The following SKOR1 variants were observed in gnomAD, a reference collection of about 807,000 sequenced individuals.
SKOR1 encodes LBX1 corepressor 1.
A neutral mutation model predicts 72.4 loss-of-function variants in SKOR1; 38 were observed. That is an observed-to-expected ratio of 0.52 (90% CI 0.40 to 0.69). The LOEUF is 0.69. Ranked by LOEUF, SKOR1 falls within the 30% of genes least tolerant of loss-of-function variation. The pLI is 0.00. For synonymous variants in SKOR1, 642 were observed against 599.4 expected, an observed-to-expected ratio of 1.07 and a Z score of -1.04; for missense variants, 1,320 against 1,343.2, an observed-to-expected ratio of 0.98 and a Z score of 0.27.
rs546420849 is a variant in SKOR1 at position 67,832,585 on chromosome 15, C to G, written c.2663-22C>G. On this transcript the variant is annotated intron_variant, in intron 6 of 8. Transcript: ENST00000380035. This position sits in a 1 kb window ranked among gnomAD's most constrained non-coding sequence, Gnocchi z 4.5. ...GGAGAGGGGGCTGTGCGTAACAGCTCTCACTTAATCAATTTGCACAGATAA... is the reference window on the plus strand; with the variant it reads ...GGAGAGGGGGCTGTGCGTAACAGCTGTCACTTAATCAATTTGCACAGATAA... 6.2e-7 allele frequency: 1 copy of G among 1,609,150 alleles called. No homozygotes were observed.
rs1210389156 is a variant in SKOR1 at position 67,827,927 on chromosome 15, C to T, written c.2099C>T (p.Ala700Val). Residue 700 changes from alanine (A) to valine (V), a missense_variant, in exon 2 of 9, where the codon GCC becomes GTC. Coordinates refer to ENST00000380035, the MANE Select transcript of SKOR1 (RefSeq NM_001365915.1). Reference sequence around the variant, plus strand: ...GAACAGCCCACTGGACCCCCTTCCGCCACCTCCTCTGGCGCGGACGGTCCC... The same window carrying T: ...GAACAGCCCACTGGACCCCCTTCCGTCACCTCCTCTGGCGCGGACGGTCCC... ...DGEQPTGPPS[A>V]TSSGADGPAN... 6.3e-7 allele frequency: 1 copy of T among 1,587,044 alleles called. No individual in the cohort carries two copies. Among genetic ancestry groups the T allele is most frequent in the African/African-American group, 1.3e-5 (1 of 74,616 alleles).
Position 67,833,070 on chromosome 15 carries a change from C to G in SKOR1, c.2738-122C>G, listed in dbSNP as rs916455941. ...TTAGGAGCTCCGGTACCCCCTCCCCCATCCCTGGAGTTGTTTCTGCGCGGA... is the reference window on the plus strand; with the variant it reads ...TTAGGAGCTCCGGTACCCCCTCCCCGATCCCTGGAGTTGTTTCTGCGCGGA... On this transcript the variant is annotated intron_variant, in intron 7 of 8. Coordinates refer to ENST00000380035, the MANE Select transcript of SKOR1 (RefSeq NM_001365915.1). The surrounding 1 kb of genome is among the most constrained non-coding windows in gnomAD (Gnocchi z 6.0). The G allele has an allele frequency of 4.1e-6, 4 of 967,400 alleles. No homozygotes were observed. The highest frequency in any genetic ancestry group is 6.4e-6 in the Non-Finnish European group (4 of 621,570). The allele number at this position is 967,400 out of a possible 1,614,324, so 59.9% of individuals were successfully genotyped here.
chr15:67,831,039 G>T, intron 5 of SKOR1, 150 bp downstream of exon 5: 1 of 764,252 alleles, frequency 1.3e-6, no homozygotes, highest in Non-Finnish European at 2.2e-6. Context: ...TGGGTGGAAA[G>T]TAAGATCCTC....
Position 67,826,693 on chromosome 15 carries a change from G to A in SKOR1, c.865G>A (p.Gly289Ser), listed in dbSNP as rs1353496181. The change falls in exon 2 of 9, where the codon GGT (glycine) becomes AGT (serine). Residue 289 changes from glycine to serine, a missense_variant. Around this residue, in one of 3 missense-constraint regions of SKOR1, gnomAD observed 1,099 missense variants for 1,025.5 expected, o/e 1.07. Transcript: ENST00000380035. ...CTCCCTACAAGGAGGCGGCGGAGGC[G>A]GTGCCAATGGCGGGTCGGGTGGGCA... ...TFSLQGGGGGGANGGSGGQGK... is the reference protein window; with the variant it reads ...TFSLQGGGGGSANGGSGGQGK... 1.3e-6 allele frequency: 2 copies of A among 1,568,640 alleles called. No homozygotes were observed. The highest frequency in any genetic ancestry group is 1.7e-6 in the Non-Finnish European group (2 of 1,158,894).
Position 67,832,287 on chromosome 15 carries a change from A to G in SKOR1, c.2601A>G (p.Lys867=), listed in dbSNP as rs1272105991. The change falls in exon 6 of 9, where the codon AAA becomes AAG. Residue 867 remains lysine, a synonymous_variant. Coordinates refer to ENST00000380035, the MANE Select transcript of SKOR1 (RefSeq NM_001365915.1). The surrounding 1 kb of genome is among the most constrained non-coding windows in gnomAD (Gnocchi z 4.5). ...IENLAREELQ[K]LLLEQMELRK... is the part of the protein sequence containing the mutation. ...CCCCTTTCACAGAGGAATTGCAAAA[A>G]CTGCTCCTGGAACAAATGGAGCTCC... 6.2e-7 allele frequency: 1 copy of G among 1,614,026 alleles called. No homozygotes were observed. Among genetic ancestry groups the G allele is most frequent in the Non-Finnish European group, 8.5e-7 (1 of 1,180,004 alleles).
chr15:67,830,765 C>G, intron 4 of SKOR1, 53 bp from the exon 5 acceptor site: 2 of 1,588,622 alleles, frequency 1.3e-6, no homozygotes, highest in South Asian at 1.1e-5. Flanking sequence ...CACCCCTCCC[C>G]TCTCAAGGGC....
chr15:67,831,534 C>G (rs2091007611), intron 5 of SKOR1, among the ~76,000 whole-genome samples: 1 of 152,074 alleles, frequency 6.6e-6, no homozygotes, highest in Admixed American at 6.5e-5. Context: ...GGAGGAGGGC[C>G]CAGATACCAA....
At position 67,827,881 on chromosome 15, in the gene SKOR1, G is replaced by T; in HGVS notation, c.2053G>T (p.Ala685Ser). The T allele has an allele frequency of 6.2e-7, 1 of 1,600,442 alleles. No homozygotes were observed. The highest frequency in any genetic ancestry group is 8.5e-7 in the Non-Finnish European group (1 of 1,174,478). Residue 685 changes from alanine (A) to serine (S), a missense_variant, in exon 2 of 9, where the codon GCA (alanine) becomes TCA (serine). Transcript: ENST00000380035. The part of the protein sequence containing the change: ...QEETEPSAPS[A>S]GGGPDGEQPT... ...GGAGACCGAGCCCAGCGCACCCAGC[G>T]CAGGGGGCGGCCCAGACGGTGAACA...
In SKOR1 at chr15:67,833,811, C is replaced by T. The variant is rs750796826; in HGVS notation, c.2873C>T (p.Ser958Phe). The T allele has an allele frequency of 2.5e-6, 4 of 1,611,990 alleles. No homozygotes were observed. In the East Asian group the frequency reaches 8.9e-5, roughly 36 times the overall value. ...CCCCGCCACTGCACTGGCAACTGCTCCTTCAAGCCACCGCTGTTGCCCTAG... is the reference window on the plus strand; with the variant it reads ...CCCCGCCACTGCACTGGCAACTGCTTCTTCAAGCCACCGCTGTTGCCCTAG... ...LTPRHCTGNC[S>F]FKPPLLP Residue 958 changes from serine to phenylalanine, a missense_variant, in exon 9 of 9, where the codon TCC (serine) becomes TTC (phenylalanine). Physicochemically the swap from Ser to Phe is radical, Grantham distance 155. Coordinates refer to ENST00000380035, the MANE Select transcript of SKOR1 (RefSeq NM_001365915.1). This position sits in a 1 kb window ranked among gnomAD's most constrained non-coding sequence, Gnocchi z 6.0.
rs1249519000 is a variant in SKOR1 at position 67,833,340 on chromosome 15, T to C, written c.2803+83T>C. The C allele has an allele frequency of 1.4e-6, 2 of 1,381,558 alleles. No individual in the cohort carries two copies. Among genetic ancestry groups the C allele is most frequent in the Admixed American group, 1.8e-5 (1 of 56,994 alleles). 85.6% of individuals were successfully genotyped at this position (1,381,558 alleles called of 1,614,324 possible). ...CTGAATGAATGAATAGTGGGACTAG[T>C]GAGGAAGGCCACGATCCACGTGGAT... On this transcript the variant is annotated intron_variant, in intron 8 of 8. Coordinates refer to ENST00000380035, the MANE Select transcript of SKOR1 (RefSeq NM_001365915.1). This position sits in a 1 kb window ranked among gnomAD's most constrained non-coding sequence, Gnocchi z 6.0.
At position 67,833,445 on chromosome 15, in the gene SKOR1, C is replaced by T. The variant is rs1197445859; in HGVS notation, c.2803+188C>T. 6.6e-6 allele frequency among the ~76,000 whole-genome samples: 1 copy of T among 152,184 alleles called. No individual in the cohort carries two copies. Among genetic ancestry groups the T allele is most frequent in the South Asian group, 2.1e-4 (1 of 4,834 alleles). On this transcript the variant is annotated intron_variant, in intron 8 of 8. Coordinates refer to ENST00000380035, the MANE Select transcript of SKOR1 (RefSeq NM_001365915.1). The surrounding 1 kb of genome is among the most constrained non-coding windows in gnomAD (Gnocchi z 6.0). ...GGATGGTGGGGGTAAAAAGAAAGAG[C>T]CCCTTGGGCTTTGGACGTCAGAAAA...
rs1265269430 is a variant in SKOR1, at chr15:67,832,058, C to T, written c.2588-216C>T. ...TCCTGGAGCCAGGGCCTAGATTCCA[C>T]CGTCCTGAATTTATTCTCCTGGGCA... On this transcript the variant is annotated intron_variant, in intron 5 of 8. Coordinates refer to ENST00000380035, the MANE Select transcript of SKOR1 (RefSeq NM_001365915.1). The surrounding 1 kb of genome is among the most constrained non-coding windows in gnomAD (Gnocchi z 4.5). 6.6e-6 allele frequency among the ~76,000 whole-genome samples: 1 copy of T among 152,124 alleles called. No homozygotes were observed.
In SKOR1 at chr15:67,833,913, C is replaced by G; in HGVS notation, c.*77C>G. The G allele has an allele frequency of 6.8e-7, 1 of 1,479,608 alleles. No homozygotes were observed. Among genetic ancestry groups the G allele is most frequent in the Non-Finnish European group, 9.3e-7 (1 of 1,071,736 alleles). The allele number at this position is 1,479,608 out of a possible 1,614,324, so 91.7% of individuals were successfully genotyped here. On this transcript the variant is annotated 3_prime_UTR_variant, in exon 9 of 9. Transcript: ENST00000380035. This position sits in a 1 kb window ranked among gnomAD's most constrained non-coding sequence, Gnocchi z 6.0. ...TACCCGCTGCTGCGGTGGCCCTGAG[C>G]GAGGAACAAGCCATTCGGACCCGAC...
Position 67,827,818 on chromosome 15 carries a change from G to A in SKOR1, c.1990G>A (p.Glu664Lys), listed in dbSNP as rs762972945. The change falls in exon 2 of 9, where the codon GAA becomes AAA. Residue 664 changes from glutamate to lysine, a missense_variant. Coordinates refer to ENST00000380035, the MANE Select transcript of SKOR1 (RefSeq NM_001365915.1). ...CGCGGACGAGCCCGAGGTGGACGTG[G>A]AATCCAACCGCTTCCCCGACGACGA... Reference protein sequence around the residue: ...DTADEPEVDVESNRFPDDEDA... With the variant: ...DTADEPEVDVKSNRFPDDEDA... 3 of 1,587,424 alleles carry A rather than the reference G, an allele frequency of 1.9e-6. No homozygotes were observed. The African/African-American group carries it at 4.0e-5, about 21-fold the overall frequency.
At position 67,832,013 on chromosome 15, in the gene SKOR1, C is replaced by T. The variant is rs955727287; in HGVS notation, c.2588-261C>T. ...TTAGGGAGTGAGGAACAACTTAAAG[C>T]AGTTGCCCAGCTGCATAGTTCCTGG... On this transcript the variant is annotated intron_variant, in intron 5 of 8. Coordinates refer to ENST00000380035, the MANE Select transcript of SKOR1 (RefSeq NM_001365915.1). The surrounding 1 kb of genome is among the most constrained non-coding windows in gnomAD (Gnocchi z 4.5). 6.6e-6 allele frequency among the ~76,000 whole-genome samples: 1 copy of T among 151,980 alleles called. No individual in the cohort carries two copies. Among genetic ancestry groups the T allele is most frequent in the African/African-American group, 2.4e-5 (1 of 41,290 alleles).
chr15:67,827,583 C>G lies in SKOR1; in HGVS notation c.1755C>G (p.Pro585=), dbSNP rs1164601049. The change falls in exon 2 of 9, where the codon CCC becomes CCG. Residue 585 remains proline (P), a synonymous_variant. Transcript: ENST00000380035. The part of the protein sequence containing the change: ...LAPLPPPPPP[P]ARKGSYVSAF... ...CGTTGCCCCCGCCGCCCCCGCCGCC[C>G]GCACGCAAAGGCTCCTACGTGTCGG... 2 of 1,521,964 alleles carry G rather than the reference C, an allele frequency of 1.3e-6. No homozygotes were observed. The highest frequency in any genetic ancestry group is 2.4e-5 in the South Asian group (2 of 82,722). 94.3% of individuals were successfully genotyped at this position (1,521,964 alleles called of 1,614,324 possible).
rs1033485317 is a variant in SKOR1, at chr15:67,825,802, G to C, written c.107+93G>C. The C allele has an allele frequency of 6.6e-7, 1 of 1,505,506 alleles. No individual in the cohort carries two copies. The highest frequency in any genetic ancestry group is 9.0e-7 in the Non-Finnish European group (1 of 1,105,064). The allele number at this position is 1,505,506 out of a possible 1,614,324, so 93.3% of individuals were successfully genotyped here. A position where few individuals can be genotyped will look rare whatever the true frequency, so the allele number is the denominator to read the frequency against. On this transcript the variant is annotated intron_variant, in intron 1 of 8. Transcript: ENST00000380035. This position sits in a 1 kb window ranked among gnomAD's most constrained non-coding sequence, Gnocchi z 5.6. ...AGTAACAAAAGACGCCTGTCCAGGG[G>C]GTGAATGAGTTTGGACTCCCCACTG...
chr15:67,833,884 T>C lies in SKOR1; in HGVS notation c.*48T>C, dbSNP rs774125685. On this transcript the variant is annotated 3_prime_UTR_variant, in exon 9 of 9. Transcript: ENST00000380035. The surrounding 1 kb of genome is among the most constrained non-coding windows in gnomAD (Gnocchi z 6.0). The stretch of plus-strand genomic sequence containing the variant: ...CGCCCTCAAGCCATGCTGCTCCTTG[T>C]AAATACCCGCTGCTGCGGTGGCCCT... The C allele has an allele frequency of 1.9e-6, 3 of 1,566,988 alleles. No individual in the cohort carries two copies. Among genetic ancestry groups the C allele is most frequent in the Non-Finnish European group, 2.6e-6 (3 of 1,148,308 alleles).
At position 67,832,475 on chromosome 15, in the gene SKOR1, C is replaced by A; in HGVS notation, c.2662+127C>A. 1 of 1,331,640 alleles carries A rather than the reference C, an allele frequency of 7.5e-7. No homozygotes were observed. The highest frequency in any genetic ancestry group is 1.1e-6 in the Non-Finnish European group (1 of 938,918). The allele number at this position is 1,331,640 out of a possible 1,614,324, so 82.5% of individuals were successfully genotyped here. On this transcript the variant is annotated intron_variant, in intron 6 of 8. Transcript: ENST00000380035. The surrounding 1 kb of genome is among the most constrained non-coding windows in gnomAD (Gnocchi z 4.5). ...TGCCCTGCAGGAGACAAGAAACTGT[C>A]CTTTTCCAGGGCTGCAGGCGAATGG...
Sources: gnomAD v4.1 joint callset for allele counts (sites outside exome capture counted in the v4.1 genomes callset) on GRCh38, gnomAD v4.1.1 for gene constraint, gnomAD v4.1.1 regional missense constraint, Gnocchi (gnomAD v3.1) non-coding constraint, MANE v1.5 for transcripts, NCBI Gene and HGNC (gene_info 2026-07-23, HGNC 2026-07-21) for gene names.